HGD: variants seen among roughly 807,000 people sequenced by gnomAD.
HGD encodes homogentisate 1,2-dioxygenase, also known as homogentisate oxidase.
In HGD, 61 loss-of-function variants were observed where a neutral mutation model predicts 60.8. The ratio of observed to expected loss-of-function variants is 1.00; its 90% CI spans 0.82 to 1.24. HGD has a LOEUF of 1.24. Ranked by LOEUF, HGD falls within the 50% of genes most tolerant of loss-of-function variation. HGD has a pLI of 0.00. For synonymous variants in HGD, 212 were observed against 187.7 expected (o/e 1.13, Z -1.06); for missense variants, 542 against 547.1 (o/e 0.99, Z 0.09).
intron 12 of HGD, among the ~76,000 whole-genome samples, chr3:120,638,170 C>G (rs936286979): frequency 6.6e-6 from 1 of 152,194 alleles, no homozygotes; most frequent in Non-Finnish European, 1.5e-5. Flanking sequence ...CAGCACCATG[C>G]TGCTTGTACA....
chr3:120,655,990 T>G (rs528552832), intron 4 of HGD, among the ~76,000 whole-genome samples: 61 of 152,348 alleles, frequency 4.0e-4, no homozygotes, highest in Non-Finnish European at 5.9e-4. Flanking sequence ...CAAATTTGTG[T>G]GTTGAAGCCC....
rs552888333 is a variant in HGD, at chr3:120,647,081, G to A, written c.470-29C>T. 2.2e-5 allele frequency: 35 copies of A among 1,566,060 alleles called. No homozygotes were observed. The East Asian group carries it at 5.2e-4, about 23-fold the overall frequency. ...ACAAAAAAAGACAGGGCAGTGGTGA[G>A]CAATTCTTTTGGTGTGATAACCATT... On this transcript the variant is annotated intron_variant, in intron 7 of 13. Transcript: ENST00000283871.
At chr3:120,659,199 A>G (rs1028210479) in intron 4 of HGD, among the ~76,000 whole-genome samples, 1 of 152,236 alleles carries the variant, frequency 6.6e-6, no homozygotes, top group African/African-American at 2.4e-5. Flanking sequence ...CCTAACTTTT[A>G]CACTCTACTT....
intron 1 of HGD, among the ~76,000 whole-genome samples, chr3:120,680,591 A>G (rs1046764092): frequency 2.6e-5 from 4 of 152,242 alleles, no homozygotes; most frequent in Non-Finnish European, 4.4e-5. Flanking sequence ...GTTCATCAGA[A>G]AACAAAGTTT....
chr3:120,639,267 A>T (rs1202290597), intron 11 of HGD, among the ~76,000 whole-genome samples: 1 of 152,096 alleles, frequency 6.6e-6, no homozygotes, highest in Admixed American at 6.5e-5. Context: ...TGGGTGCTCA[A>T]TGTTTAGCTC....
chr3:120,668,032 T>C (rs1707939638), intron 4 of HGD, among the ~76,000 whole-genome samples: 2 of 152,080 alleles, frequency 1.3e-5, no homozygotes, highest in South Asian at 4.1e-4. Flanking sequence ...CTCGTCTGTG[T>C]CCCTTTGTGT....
intron 3 of HGD, among the ~76,000 whole-genome samples, chr3:120,671,978 G>A (rs1708034213): frequency 6.6e-6 from 1 of 151,692 alleles, no homozygotes; most frequent in Admixed American, 6.6e-5. Context: ...CACACACTGG[G>A]GCCTGTTGGG....
intron 4 of HGD, among the ~76,000 whole-genome samples, chr3:120,659,713 C>G (rs1238252658): frequency 1.3e-5 from 2 of 152,188 alleles, no homozygotes; most frequent in African/African-American, 4.8e-5. Flanking sequence ...CAATGTCCCA[C>G]TCCTTGGTAC....
intron 12 of HGD, among the ~76,000 whole-genome samples, chr3:120,636,652 T>C (rs1319465864): frequency 6.6e-6 from 1 of 152,260 alleles, no homozygotes; most frequent in Non-Finnish European, 1.5e-5. Flanking sequence ...CTTATGATGC[T>C]ATTCACAAAA....
intron 4 of HGD, among the ~76,000 whole-genome samples, chr3:120,659,900 T>C (rs1941607287): frequency 2.7e-5 from 4 of 148,692 alleles, no homozygotes; most frequent in Non-Finnish European, 4.4e-5. Flanking sequence ...GGCAAAGATA[T>C]GATGGGAGCA....
Position 120,638,585 on chromosome 3 carries a change from T to C in HGD, c.880-4A>G, listed in dbSNP as rs781667761. The C allele has an allele frequency of 8.1e-6, 13 of 1,613,810 alleles. No individual in the cohort carries two copies. Among genetic ancestry groups the C allele is most frequent in the South Asian group, 3.3e-5 (3 of 91,068 alleles). On this transcript the variant is annotated splice_region_variant and splice_polypyrimidine_tract_variant and intron_variant, in intron 11 of 13. Coordinates refer to ENST00000283871, the MANE Select transcript of HGD (RefSeq NM_000187.4). Reference sequence around the variant, plus strand: ...ATACTGTGAAAATGGATGGGTCCTGTGAACACACAAGGAGAGACTGAACGC... The same window carrying C: ...ATACTGTGAAAATGGATGGGTCCTGCGAACACACAAGGAGAGACTGAACGC...
chr3:120,651,475 C>T (rs533037073), intron 5 of HGD, among the ~76,000 whole-genome samples: 6 of 152,306 alleles, frequency 3.9e-5, no homozygotes, highest in South Asian at 2.1e-4. Context: ...GAGAGCTCTG[C>T]GCCTCCAGAT....
intron 10 of HGD, 23 bp downstream of exon 10, chr3:120,644,296 G>T (rs761327732): frequency 1.2e-6 from 2 of 1,613,480 alleles, no homozygotes; most frequent in East Asian, 4.5e-5. Flanking sequence ...TTCCTCCCTT[G>T]CCTGCCAACC....
intron 4 of HGD, 33 bp downstream of exon 4, chr3:120,670,394 T>C (rs773839760): frequency 2.0e-6 from 2 of 1,024,230 alleles, no homozygotes; most frequent in Non-Finnish European, 3.1e-6. Flanking sequence ...GCTTTGGGTA[T>C]ATGATAAGCT....
intron 10 of HGD, chr3:120,641,920 C>A (rs1940996065): frequency 3.6e-6 from 2 of 548,028 alleles, no homozygotes; most frequent in Non-Finnish European, 6.6e-6. Flanking sequence ...GCTGCAGCTG[C>A]CTTCTGATCA....
chr3:120,640,595 A>T (rs970358597), intron 11 of HGD, among the ~76,000 whole-genome samples: 4 of 152,254 alleles, frequency 2.6e-5, no homozygotes, highest in Non-Finnish European at 5.9e-5. Context: ...AAATTCAAAT[A>T]AAAATAAACC....
intron 13 of HGD, among the ~76,000 whole-genome samples, chr3:120,628,986 G>A (rs1940501879): frequency 6.6e-6 from 1 of 152,134 alleles, no homozygotes. Flanking sequence ...TGCTTAAGGC[G>A]ACAAGTCATC....
chr3:120,679,225 T>C (rs1345503230), intron 1 of HGD, among the ~76,000 whole-genome samples: 1 of 152,228 alleles, frequency 6.6e-6, no homozygotes, highest in East Asian at 1.9e-4. Flanking sequence ...AGTAGTTTTA[T>C]GAGGTGCTTT....
At chr3:120,638,753 G>C (rs1940866901) in intron 11 of HGD, among the ~76,000 whole-genome samples, 172 bp from the exon 12 acceptor site, 1 of 151,986 alleles carries the variant, frequency 6.6e-6, no homozygotes, top group Non-Finnish European at 1.5e-5. Flanking sequence ...TTGTTACATG[G>C]GTATATTGTG....
Sources: allele counts gnomAD v4.1 joint callset (sites outside exome capture counted in the v4.1 genomes callset), GRCh38; gene constraint gnomAD v4.1.1; transcripts MANE v1.5; gene names NCBI Gene and HGNC (gene_info 2026-07-23, HGNC 2026-07-21).